The following AMZ1 variants were observed in gnomAD, a reference collection of about 807,000 sequenced individuals.
AMZ1 encodes the protein archaemetzincin-1.
A neutral mutation model predicts 29.9 loss-of-function variants in AMZ1; 39 were observed. The observed-to-expected ratio is 1.30, with a 90% CI of 1.01 to 1.70. AMZ1 has a LOEUF of 1.70. AMZ1 is among the 40% of genes most tolerant of loss of function. The pLI, the probability that AMZ1 is intolerant of heterozygous loss-of-function variation, is 0.00. For missense variants in AMZ1, 1,041 were observed against 680.6 expected, an observed-to-expected ratio of 1.53 and a Z score of -5.89; for synonymous variants, 458 against 304.0, an observed-to-expected ratio of 1.51 and a Z score of -5.27.
At chr7:2,738,410 C>G (rs1043571176) in intron 4 of AMZ1, among the ~76,000 whole-genome samples, 1 of 152,170 alleles carries the variant, frequency 6.6e-6, no homozygotes, top group Admixed American at 6.5e-5. Context: ...TCCACGCAGT[C>G]AGGGGCTACG....
At position 2,709,193 on chromosome 7, in the gene AMZ1, C is replaced by T. The variant is rs1178318829; in HGVS notation, c.720C>T (p.Asp240=). Residue 240 remains aspartate (D), a synonymous_variant, in exon 5 of 7, where the codon GAC becomes GAT. Coordinates refer to ENST00000683327, the MANE Select transcript of AMZ1 (RefSeq NM_001384743.1). ...ACGGCCCCGAGGCCCCCCTGCAGGA[C>T]AGGGGCTGGGCCCTGTGCTTCAGTG... is the stretch of plus-strand genomic sequence containing the variant. ...AADGPEAPLQ[D]RGWALCFSAL... 7 of 1,533,128 alleles carry T rather than the reference C, an allele frequency of 4.6e-6. No individual in the cohort carries two copies. In the South Asian group the frequency reaches 6.4e-5, roughly 14 times the overall value. The allele number at this position is 1,533,128 out of a possible 1,614,324, so 95.0% of individuals were successfully genotyped here.
Position 2,719,203 on chromosome 7 carries a change from G to A in AMZ1, c.*6325G>A, listed in dbSNP as rs1789307758. Among the ~76,000 whole-genome samples the A allele has an allele frequency of 6.6e-6, 1 of 152,138 alleles. No individual in the cohort carries two copies. The highest frequency in any genetic ancestry group is 2.4e-5 in the African/African-American group (1 of 41,422). ...CAACTCCTCCGACAGAACGGCAGGTGGCCCCTGTCGGAAGGGGGGTGTCTC... is the reference window on the plus strand; with the variant it reads ...CAACTCCTCCGACAGAACGGCAGGTAGCCCCTGTCGGAAGGGGGGTGTCTC... On this transcript the variant is annotated 3_prime_UTR_variant, in exon 7 of 7. Coordinates refer to ENST00000683327, the MANE Select transcript of AMZ1 (RefSeq NM_001384743.1).
intron 6 of AMZ1, 100 bp downstream of exon 6, chr7:2,709,916 G>C (rs1788657921): frequency 2.0e-6 from 3 of 1,502,760 alleles, no homozygotes; most frequent in African/African-American, 2.8e-5. Flanking sequence ...CCGCACACAG[G>C]CTTTGTCAAC....
At chr7:2,694,915 C>G (rs1318555333) in intron 1 of AMZ1, among the ~76,000 whole-genome samples, 2 of 152,132 alleles carry the variant, frequency 1.3e-5, no homozygotes, top group Non-Finnish European at 2.9e-5. Context: ...TCGAGTGATC[C>G]GCCTGCCTCG....
chr7:2,689,663 A>G (rs1355329885), intron 1 of AMZ1, among the ~76,000 whole-genome samples: 1 of 152,198 alleles, frequency 6.6e-6, no homozygotes, highest in East Asian at 1.9e-4. Context: ...CACCTGAAAC[A>G]CCGCAGTGGC....
intron 4 of AMZ1, among the ~76,000 whole-genome samples, chr7:2,745,066 G>A (rs978767901): frequency 1.8e-4 from 27 of 152,210 alleles, no homozygotes; most frequent in African/African-American, 4.8e-4. Context: ...AAGTGACAGG[G>A]AGAATGGAAC....
intron 4 of AMZ1, among the ~76,000 whole-genome samples, chr7:2,738,710 T>A (rs954372830): frequency 1.3e-5 from 2 of 151,446 alleles, no homozygotes; most frequent in African/African-American, 4.9e-5. Context: ...CTTCCATAAT[T>A]AAAAAAAAAT....
chr7:2,713,576 TGA>T lies in AMZ1; in HGVS notation c.*700_*701del, dbSNP rs1788939359. On this transcript the variant is annotated 3_prime_UTR_variant, in exon 7 of 7. Transcript: ENST00000683327. ...CACACTGCCACCCAGCTTCCAAGGC[TGA>T]GTCTCCTCCCTAACGGGGAAGTGAC... The T allele has an allele frequency of 6.6e-6, 1 of 152,596 alleles. No individual in the cohort carries two copies. Among genetic ancestry groups the T allele is most frequent in the Admixed American group, 6.5e-5 (1 of 15,292 alleles). 9.5% of individuals were successfully genotyped at this position (152,596 alleles called of 1,614,324 possible).
upstream of AMZ1, among the ~76,000 whole-genome samples, chr7:2,685,143 A>C (rs1242385523): frequency 2.0e-5 from 3 of 150,894 alleles, no homozygotes; most frequent in South Asian, 2.2e-4. Context: ...TGCTGGGATT[A>C]CAGGTTGAGC....
chr7:2,698,809 C>G (rs1253938889), intron 1 of AMZ1, among the ~76,000 whole-genome samples: 5 of 152,156 alleles, frequency 3.3e-5, no homozygotes, highest in African/African-American at 1.2e-4. Context: ...GCACTCCAGC[C>G]TGGACGAAAC....
chr7:2,761,269 A>AGTTTCCTCT (rs1222101121), upstream of AMZ1, among the ~76,000 whole-genome samples: 6 of 152,088 alleles, frequency 3.9e-5, no homozygotes. Flanking sequence ...TCTGGGTCTC[A>AGTTTCCTCT]GTTTCCTCTT....
chr7:2,710,685 T>C (rs1788717784), intron 6 of AMZ1, among the ~76,000 whole-genome samples: 1 of 152,164 alleles, frequency 6.6e-6, no homozygotes, highest in Non-Finnish European at 1.5e-5. Flanking sequence ...AGGGATCCTC[T>C]CTGAAGACTC....
downstream of AMZ1, among the ~76,000 whole-genome samples, chr7:2,721,715 CAAAAA>C (rs35321742): frequency 4.8e-5 from 6 of 125,044 alleles, no homozygotes; most frequent in East Asian, 2.4e-4. Flanking sequence ...GACTACGTCT[CAAAAA>C]AAAAAAAAAA....
At chr7:2,737,281 T>TTG (rs1562394925) in intron 4 of AMZ1, among the ~76,000 whole-genome samples, 36 of 71,584 alleles carry the variant, frequency 5.0e-4, no homozygotes, top group African/African-American at 1.9e-3. Context: ...TTTGTTTTTT[T>TTG]TTTTTTTGTT....
rs1057217646 is a variant in AMZ1 at position 2,731,144 on chromosome 7, G to T, written n.550+21328G>T. On this transcript the variant is annotated intron_variant and non_coding_transcript_variant, in intron 4 of 4. Transcript: ENST00000489665. The surrounding 1 kb of genome is among the most constrained non-coding windows in gnomAD (Gnocchi z 6.0). ...CAAGAGTCTGACCGACAGCCGTGGG[G>T]GCTGCTCAACGACGACAAACCCCGG... 7.0e-7 allele frequency: 1 copy of T among 1,422,478 alleles called. No homozygotes were observed. The highest frequency in any genetic ancestry group is 9.8e-7 in the Non-Finnish European group (1 of 1,022,194). The allele number at this position is 1,422,478 out of a possible 1,614,324, so 88.1% of individuals were successfully genotyped here. A position where few individuals can be genotyped will look rare whatever the true frequency, so the allele number is the denominator to read the frequency against.
upstream of AMZ1, chr7:2,762,898 G>T: frequency 7.0e-7 from 1 of 1,425,054 alleles, no homozygotes; most frequent in Non-Finnish European, 9.2e-7. Context: ...TTGGTGCTGC[G>T]GCGGGGAGAA....
At chr7:2,739,895 A>T (rs1583216557) in intron 4 of AMZ1, among the ~76,000 whole-genome samples, 1 of 152,080 alleles carries the variant, frequency 6.6e-6, no homozygotes, top group East Asian at 1.9e-4. Context: ...CTGGTCTCGA[A>T]CTCCTGACCT....
chr7:2,734,565 G>T (rs1226212851), intron 4 of AMZ1, among the ~76,000 whole-genome samples: 1 of 152,234 alleles, frequency 6.6e-6, no homozygotes, highest in Non-Finnish European at 1.5e-5. Context: ...TCGTGGCGTT[G>T]TAAGGGATGG....
At chr7:2,686,400 G>A (rs1275755558), upstream of AMZ1, among the ~76,000 whole-genome samples, 6 of 152,106 alleles carry the variant, frequency 3.9e-5, no homozygotes. Flanking sequence ...CAGGTGTGAT[G>A]GCACGTACCT....
Sources: gnomAD v4.1 joint callset for allele counts (sites outside exome capture counted in the v4.1 genomes callset) on GRCh38, gnomAD v4.1.1 for gene constraint, Gnocchi (gnomAD v3.1) non-coding constraint, MANE v1.5 for transcripts, NCBI Gene and HGNC (gene_info 2026-07-23, HGNC 2026-07-21) for gene names.